GOLGA6L7: variants seen among roughly 807,000 people sequenced by gnomAD.
The protein encoded by GOLGA6L7 is golgin subfamily A member 6-like protein 7.
In GOLGA6L7, 29 loss-of-function variants were observed where a neutral mutation model predicts 68.9. That is an observed-to-expected ratio of 0.42 (90% CI 0.31 to 0.57). GOLGA6L7 has a LOEUF of 0.57. Among genes scored for constraint, GOLGA6L7 ranks in the 20% least tolerant of loss-of-function variants. The pLI, the probability that GOLGA6L7 is intolerant of heterozygous loss-of-function variation, is 0.13. For synonymous variants in GOLGA6L7, 133 were observed against 197.4 expected (o/e 0.67, Z 2.73); for missense variants, 396 against 588.4 (o/e 0.67, Z 3.38).
Position 28,842,068 on chromosome 15 carries a change from C to G in GOLGA6L7, c.*167G>C, listed in dbSNP as rs1285041723. On this transcript the variant is annotated 3_prime_UTR_variant, in exon 9 of 9. Coordinates refer to ENST00000567390, the MANE Select transcript of GOLGA6L7 (RefSeq NM_001365371.2). ...ACGTAGCTGGGATTGGTGATCCACC[C>G]GCCTAGGCCTCCCAAAGTGGTGTGA... 1.5e-5 allele frequency: 7 copies of G among 475,596 alleles called. No homozygotes were observed. The highest frequency in any genetic ancestry group is 4.6e-5 in the Admixed American group (1 of 21,878). The allele number at this position is 475,596 out of a possible 1,614,324, so 29.5% of individuals were successfully genotyped here.
chr15:28,848,183 C>T (rs1486982087), intron 1 of GOLGA6L7, among the ~76,000 whole-genome samples: 7 of 151,990 alleles, frequency 4.6e-5, no homozygotes, highest in African/African-American at 7.3e-5. Flanking sequence ...CTGGGGCATC[C>T]GGTTCCTTGG....
chr15:28,847,579 CAG>C (rs1356917581), intron 1 of GOLGA6L7, among the ~76,000 whole-genome samples: 4 of 152,230 alleles, frequency 2.6e-5, no homozygotes, highest in Admixed American at 6.5e-5. Flanking sequence ...GGGAATTAAA[CAG>C]AAAGAGGACA....
At chr15:28,845,261 T>G in intron 6 of GOLGA6L7, 1 of 580,130 alleles carries the variant, frequency 1.7e-6, no homozygotes, top group Non-Finnish European at 3.1e-6. Context: ...GCCTAGGATT[T>G]GACCAAGGCC....
chr15:28,847,017 C>G (rs1451216475), intron 2 of GOLGA6L7, 47 bp downstream of exon 2: 9 of 872,348 alleles, frequency 1.0e-5, no homozygotes, highest in Admixed American at 2.0e-5. Context: ...CCCTCGACCT[C>G]CCCCTTGTGC....
Position 28,848,637 on chromosome 15 carries a change from A to G in GOLGA6L7, c.-88T>C, listed in dbSNP as rs1034880381. On this transcript the variant is annotated 5_prime_UTR_variant, in exon 1 of 9. Coordinates refer to ENST00000567390, the MANE Select transcript of GOLGA6L7 (RefSeq NM_001365371.2). ...GCCTCCAGTCACGTACCACACAGCTATGTGACTGAGCCACAGGAGGCGTCA... is the reference window on the plus strand; with the variant it reads ...GCCTCCAGTCACGTACCACACAGCTGTGTGACTGAGCCACAGGAGGCGTCA... 2 of 743,314 alleles carry G rather than the reference A, an allele frequency of 2.7e-6. No individual in the cohort carries two copies. Among genetic ancestry groups the G allele is most frequent in the Non-Finnish European group, 4.9e-6 (2 of 406,578 alleles). The allele number at this position is 743,314 out of a possible 1,614,324, so 46.0% of individuals were successfully genotyped here. A position where few individuals can be genotyped will look rare whatever the true frequency, so the allele number is the denominator to read the frequency against.
rs2030526913 is a variant in GOLGA6L7, at chr15:28,848,533, G to GA, written c.16_17insT (p.Thr6IlefsTer41). The GA allele has an allele frequency of 1.8e-6, 1 of 548,126 alleles. No homozygotes were observed. The allele number at this position is 548,126 out of a possible 1,614,324, so 34.0% of individuals were successfully genotyped here. On this transcript the variant is annotated frameshift_variant, in exon 1 of 9. Transcript: ENST00000567390. LOFTEE classifies it high-confidence loss of function. The stretch of plus-strand genomic sequence containing the variant: ...GGTCCCAGCCAATTTTCTTTGTTGG[G>GA]TTTTTTCGGACATCATGGGGTGGGG...
At chr15:28,848,420 G>T (rs2030521726) in intron 1 of GOLGA6L7, 79 bp downstream of exon 1, 2 of 683,328 alleles carry the variant, frequency 2.9e-6, no homozygotes, top group South Asian at 3.1e-5. Context: ...GAGTGACACG[G>T]ATTCTGGCAG....
Position 28,843,883 on chromosome 15 carries a change from C to T in GOLGA6L7, c.522-8G>A, listed in dbSNP as rs62010662. On this transcript the variant is annotated splice_region_variant and splice_polypyrimidine_tract_variant and intron_variant, in intron 7 of 8. Transcript: ENST00000567390. ...AGCTCCTTATTGGTTATGCTATGGC[C>T]GGAGGCAGTAGAGAAAGGAATGAAC... 9.7e-4 allele frequency: 1,070 copies of T among 1,106,426 alleles called. 5 individuals carry two copies. Among genetic ancestry groups the T allele is most frequent in the East Asian group, 1.7e-3 (70 of 41,598 alleles). The allele number at this position is 1,106,426 out of a possible 1,614,324, so 68.5% of individuals were successfully genotyped here. A position where few individuals can be genotyped will look rare whatever the true frequency, so the allele number is the denominator to read the frequency against.
intron 1 of GOLGA6L7, among the ~76,000 whole-genome samples, chr15:28,848,028 G>A (rs2030502730): frequency 6.6e-6 from 1 of 152,192 alleles, no homozygotes; most frequent in Non-Finnish European, 1.5e-5. Context: ...TCACAGGGTT[G>A]GGACCCAGGT....
At chr15:28,844,501 C>T (rs1442044689) in intron 6 of GOLGA6L7, among the ~76,000 whole-genome samples, 1 of 148,446 alleles carries the variant, frequency 6.7e-6, no homozygotes, top group East Asian at 2.0e-4. Context: ...CGCGATCTCA[C>T]CCCACCGCAA....
Position 28,843,426 on chromosome 15 carries a change from AGT to A in GOLGA6L7, c.676_677del (p.Thr226PhefsTer283), listed in dbSNP as rs2141051938. The A allele has an allele frequency of 1.3e-6, 1 of 772,878 alleles. No homozygotes were observed. The highest frequency in any genetic ancestry group is 3.3e-5 in the East Asian group (1 of 29,918). The allele number at this position is 772,878 out of a possible 1,614,324, so 47.9% of individuals were successfully genotyped here. A position where few individuals can be genotyped will look rare whatever the true frequency, so the allele number is the denominator to read the frequency against. Reference protein sequence around the residue: ...KIPLPQVQTNTLQEKMWRQEE... With the variant: ...KIPLPQVQTNXLQEKMWRQEE... ...CCTGCCTCCACATCTTCTCCTGCAA[AGT>A]GTTGGTTTGAACCTCAAAAGGAAAT... On this transcript the variant is annotated frameshift_variant, in exon 9 of 9. Transcript: ENST00000567390. LOFTEE classifies it high-confidence loss of function.
chr15:28,847,947 G>A (rs943705913), intron 1 of GOLGA6L7, among the ~76,000 whole-genome samples: 6 of 152,214 alleles, frequency 3.9e-5, no homozygotes. Context: ...AGAAGCCTGG[G>A]AGAAAACCAA....
rs545671552 is a variant in GOLGA6L7 at position 28,843,682 on chromosome 15, C to T, written c.663+52G>A. 1.5e-3 allele frequency: 947 copies of T among 626,054 alleles called. 1 individual carries two copies. The highest frequency in any genetic ancestry group is 2.4e-3 in the Admixed American group (88 of 36,016). The allele number at this position is 626,054 out of a possible 1,614,324, so 38.8% of individuals were successfully genotyped here. On this transcript the variant is annotated intron_variant, in intron 8 of 8. Transcript: ENST00000567390. The stretch of plus-strand genomic sequence containing the variant: ...CCCCACACCCTGCATGATCCCTAGA[C>T]CATGTCCCAGCCGGATGCGGCTCCC...
rs554613251 is a variant in GOLGA6L7, at chr15:28,845,863, C to T, written c.261+37G>A. 5,340 of 1,110,568 alleles carry T rather than the reference C, an allele frequency of 4.8e-3. 25 individuals are homozygous for T. The highest frequency in any genetic ancestry group is 6.4e-3 in the Non-Finnish European group (4,805 of 749,108). 68.8% of individuals were successfully genotyped at this position (1,110,568 alleles called of 1,614,324 possible). ...TGAAAGAGAAGCAAAGAAACCTTCTCCAGAGGACAGGAGGGAACTTCACAC... is the reference window on the plus strand; with the variant it reads ...TGAAAGAGAAGCAAAGAAACCTTCTTCAGAGGACAGGAGGGAACTTCACAC... On this transcript the variant is annotated intron_variant, in intron 4 of 8. Coordinates refer to ENST00000567390, the MANE Select transcript of GOLGA6L7 (RefSeq NM_001365371.2).
chr15:28,846,538 G>C (rs1421834625), intron 2 of GOLGA6L7, among the ~76,000 whole-genome samples: 2 of 152,166 alleles, frequency 1.3e-5, no homozygotes, highest in Non-Finnish European at 2.9e-5. Context: ...CCTTCTGCCA[G>C]CTTGTGATGG....
At chr15:28,844,487 A>G (rs2030338980) in intron 6 of GOLGA6L7, among the ~76,000 whole-genome samples, 2 of 143,672 alleles carry the variant, frequency 1.4e-5, no homozygotes. Context: ...CTGGAGTGCA[A>G]TGGCGCGATC....
At chr15:28,847,291 G>T in intron 1 of GOLGA6L7, 99 bp from the exon 2 acceptor site, 1 of 671,718 alleles carries the variant, frequency 1.5e-6, no homozygotes, top group East Asian at 3.4e-5. Context: ...CTGACTTAAT[G>T]CCACCAACGA....
At chr15:28,847,644 A>C (rs4037342) in intron 1 of GOLGA6L7, among the ~76,000 whole-genome samples, 2 of 152,390 alleles carry the variant, frequency 1.3e-5, no homozygotes, top group African/African-American at 2.4e-5. Context: ...AATCTATGTG[A>C]CTATCATCCC....
chr15:28,846,346 G>A (rs2030430602), intron 2 of GOLGA6L7, 97 bp from the exon 3 acceptor site: 2 of 716,646 alleles, frequency 2.8e-6, no homozygotes, highest in Non-Finnish European at 2.5e-6. Context: ...TGGATTTTAA[G>A]GGCAAAGTTC....
Sources: allele counts gnomAD v4.1 joint callset (sites outside exome capture counted in the v4.1 genomes callset), GRCh38; gene constraint gnomAD v4.1.1; transcripts MANE v1.5; gene names NCBI Gene and HGNC (gene_info 2026-07-23, HGNC 2026-07-21).